Variants in SPACA7 observed in about 807,000 individuals in gnomAD.
The protein encoded by SPACA7 is sperm acrosome-associated protein 7.
Under a neutral mutation model 26.3 loss-of-function variants are expected in SPACA7, and 19 were observed. The observed-to-expected ratio is 0.72, with a 90% confidence interval of 0.50 to 1.06. The LOEUF is 1.06. Ranked by LOEUF, SPACA7 falls within the 50% of genes least tolerant of loss-of-function variation. The pLI, the probability that SPACA7 is intolerant of heterozygous loss-of-function variation, is 0.00. For synonymous variants in SPACA7, 84 were observed against 84.5 expected, an observed-to-expected ratio of 0.99 and a Z score of 0.04; for missense variants, 211 against 229.9, an observed-to-expected ratio of 0.92 and a Z score of 0.53.
At chr13:112,382,572 A>G (rs1884150607) in intron 1 of SPACA7, 1 of 1,527,078 alleles carries the variant, frequency 6.5e-7, no homozygotes, top group Non-Finnish European at 8.8e-7. Flanking sequence ...TGGGCTTCCA[A>G]GGCTTGTGTG....
rs769491922 is a variant in SPACA7, at chr13:112,434,583, A to G, written c.*34A>G. 8 of 1,556,766 alleles carry G rather than the reference A, an allele frequency of 5.1e-6. No individual in the cohort carries two copies. The African/African-American group carries it at 1.1e-4, about 21-fold the overall frequency. ...CCCCAGACCCCCTGCGCAGGAGAGG[A>G]GCCTGCTAGAACCCCCACCCACCAG... On this transcript the variant is annotated 3_prime_UTR_variant, in exon 7 of 7. Transcript: ENST00000283550.
intron 6 of SPACA7, among the ~76,000 whole-genome samples, chr13:112,434,101 A>G (rs1332498405): frequency 6.6e-6 from 1 of 152,136 alleles, no homozygotes; most frequent in East Asian, 1.9e-4. Flanking sequence ...AGCCCTGGCA[A>G]TGTTGGACAG....
intron 5 of SPACA7, among the ~76,000 whole-genome samples, chr13:112,403,457 C>T (rs904703560): frequency 2.0e-5 from 3 of 151,964 alleles, no homozygotes; most frequent in Non-Finnish European, 2.9e-5. Flanking sequence ...TTTTGGGAAA[C>T]AGGTGGTGTT....
intron 5 of SPACA7, among the ~76,000 whole-genome samples, chr13:112,419,888 G>A (rs7328026): frequency 0.061 from 9,221 of 152,332 alleles, 377 homozygotes; most frequent in Non-Finnish European, 0.092. Flanking sequence ...CCGCTCTGCC[G>A]TGCAGGTGTT....
At chr13:112,426,379 T>G (rs1478607641) in intron 5 of SPACA7, among the ~76,000 whole-genome samples, 1 of 152,244 alleles carries the variant, frequency 6.6e-6, no homozygotes, top group Admixed American at 6.5e-5. Flanking sequence ...AAAATCAATC[T>G]GGCTATTCTA....
At chr13:112,390,601 G>T (rs1884824508) in intron 1 of SPACA7, among the ~76,000 whole-genome samples, 1 of 152,178 alleles carries the variant, frequency 6.6e-6, no homozygotes, top group Admixed American at 6.5e-5. Flanking sequence ...TTCTGCTTCT[G>T]GGGAGGCCTC....
At chr13:112,399,374 G>A (rs1351956049) in intron 4 of SPACA7, among the ~76,000 whole-genome samples, 1 of 152,232 alleles carries the variant, frequency 6.6e-6, no homozygotes, top group African/African-American at 2.4e-5. Flanking sequence ...CCTGCTGTGG[G>A]GCCGACCCTG....
chr13:112,433,789 C>A (rs1489531517), intron 6 of SPACA7, among the ~76,000 whole-genome samples: 2 of 152,198 alleles, frequency 1.3e-5, no homozygotes, highest in Non-Finnish European at 2.9e-5. Flanking sequence ...CAGCAGGGAC[C>A]AGGCCAACAC....
intron 1 of SPACA7, among the ~76,000 whole-genome samples, chr13:112,389,191 C>T (rs1004550495): frequency 7.9e-5 from 12 of 152,186 alleles, no homozygotes; most frequent in African/African-American, 2.9e-4. Flanking sequence ...GAACCTTCTC[C>T]CATAGTTAGT....
rs1176365709 is a variant in SPACA7, at chr13:112,413,745, G to GCCCT, written c.445+12581_445+12582insCCCT. ...TTTGCCCTTTCTTGATTTCATAAGT[G>GCCCT]TTCTGCATTGCTTTTTATTTTCCCC... On this transcript the variant is annotated intron_variant, in intron 5 of 6. Coordinates refer to ENST00000283550, the MANE Select transcript of SPACA7 (RefSeq NM_145248.5). Among the ~76,000 whole-genome samples the GCCCT allele has an allele frequency of 2.0e-5, 3 of 152,130 alleles. No homozygotes were observed. In the East Asian group the frequency reaches 5.8e-4, roughly 29 times the overall value.
intron 5 of SPACA7, among the ~76,000 whole-genome samples, chr13:112,404,978 CTTTTTTTTTTTTTTTT>C (rs373253878): frequency 3.2e-5 from 3 of 94,266 alleles, no homozygotes; most frequent in African/African-American, 4.4e-5. Context: ...GTATTCTCTT[CTTTTTTTTTTTTTTTT>C]TTTTTTTTAA....
At chr13:112,408,333 A>T in intron 5 of SPACA7, among the ~76,000 whole-genome samples, 1 of 151,924 alleles carries the variant, frequency 6.6e-6, no homozygotes, top group East Asian at 1.9e-4. Flanking sequence ...CTCTCTCACC[A>T]CTCCTATTCA....
intron 6 of SPACA7, among the ~76,000 whole-genome samples, chr13:112,433,506 C>T (rs1352059447): frequency 1.3e-5 from 2 of 151,424 alleles, no homozygotes; most frequent in African/African-American, 4.8e-5. Flanking sequence ...GGGGTTCTGA[C>T]TTTTCCATCC....
chr13:112,434,405 G>A, intron 6 of SPACA7, 80 bp from the exon 7 acceptor site: 1 of 1,214,014 alleles, frequency 8.2e-7, no homozygotes, highest in East Asian at 2.5e-5. Context: ...CCTGTCCCCT[G>A]GTGTCCCTCG....
At chr13:112,424,131 C>G (rs773709399) in intron 5 of SPACA7, among the ~76,000 whole-genome samples, 16 of 152,134 alleles carry the variant, frequency 1.1e-4, no homozygotes, top group Non-Finnish European at 2.1e-4. Context: ...GAACAAGGAC[C>G]CCCCTGGGTG....
intron 1 of SPACA7, among the ~76,000 whole-genome samples, chr13:112,381,425 C>G (rs1368411594): frequency 1.3e-5 from 2 of 149,888 alleles, no homozygotes; most frequent in African/African-American, 2.5e-5. Context: ...CCCAAGAGGT[C>G]GAGGCTGCAG....
At chr13:112,397,969 A>G in intron 2 of SPACA7, 80 bp from the exon 3 acceptor site, 2 of 840,944 alleles carry the variant, frequency 2.4e-6, no homozygotes, top group Non-Finnish European at 4.0e-6. Flanking sequence ...CACTGTGTGT[A>G]CAGATGGCCT....
intron 5 of SPACA7, among the ~76,000 whole-genome samples, chr13:112,404,978 C>CTTTTTT (rs373253878): frequency 2.9e-4 from 27 of 94,252 alleles, no homozygotes; most frequent in South Asian, 7.4e-4. Context: ...GTATTCTCTT[C>CTTTTTT]TTTTTTTTTT....
At chr13:112,415,370 C>A (rs6577080) in intron 5 of SPACA7, among the ~76,000 whole-genome samples, 99,885 of 152,112 alleles carry the variant, frequency 0.66, 33,335 homozygotes, top group African/African-American at 0.78. Context: ...TCGAGGCTCA[C>A]GGTCACTTTA....
Sources: gnomAD v4.1 joint callset for allele counts (sites outside exome capture counted in the v4.1 genomes callset) on GRCh38, gnomAD v4.1.1 for gene constraint, MANE v1.5 for transcripts, NCBI Gene and HGNC (gene_info 2026-07-23, HGNC 2026-07-21) for gene names.